The following STK10 variants were observed in gnomAD, a reference collection of about 807,000 sequenced individuals.
STK10 encodes the protein serine/threonine kinase 10, also known as serine/threonine-protein kinase 10.
A neutral mutation model predicts 113.8 loss-of-function variants in STK10; 78 were observed. The ratio of observed to expected loss-of-function variants is 0.69; its 90% confidence interval spans 0.57 to 0.83. The LOEUF (loss-of-function observed/expected upper bound fraction) is 0.83. STK10 is among the 40% of genes least tolerant of loss of function. The pLI is 0.00. For missense variants in STK10, 1,109 were observed against 1,280.1 expected, an observed-to-expected ratio of 0.87 and a Z score of 2.04; for synonymous variants, 465 against 494.7, an observed-to-expected ratio of 0.94 and a Z score of 0.80.
rs2113851253 is a variant in STK10, at chr5:172,188,067, T to G, written c.-25A>C. On this transcript the variant is annotated 5_prime_UTR_variant, in exon 1 of 19. Coordinates refer to ENST00000176763, the MANE Select transcript of STK10 (RefSeq NM_005990.4). The surrounding 1 kb of genome is among the most constrained non-coding windows in gnomAD (Gnocchi z 5.6). ...TGGCCGGGGGCGCGGTGGCGCCGGC[T>G]CGGGCTCGGGCTCGGGCTCGGGCTG... The G allele has an allele frequency of 1.3e-6, 2 of 1,584,720 alleles. No individual in the cohort carries two copies. Among genetic ancestry groups the G allele is most frequent in the East Asian group, 4.5e-5 (2 of 44,068 alleles).
chr5:172,048,414 T>TACACACACACACACACAC (rs370301917), intron 18 of STK10, among the ~76,000 whole-genome samples: 5,462 of 128,304 alleles, frequency 0.043, 256 homozygotes, highest in African/African-American at 0.049. Context: ...TCCCTCTCCC[T>TACACACACACACACACAC]ACACACACAC....
intron 4 of STK10, among the ~76,000 whole-genome samples, chr5:172,116,443 T>G (rs576874479): frequency 1.1e-4 from 16 of 151,798 alleles, no homozygotes; most frequent in African/African-American, 3.4e-4. Context: ...GAAGTACACA[T>G]GAGAAGAGCT....
At chr5:172,163,050 C>T (rs1254704016) in intron 1 of STK10, among the ~76,000 whole-genome samples, 1 of 152,084 alleles carries the variant, frequency 6.6e-6, no homozygotes, top group Admixed American at 6.6e-5. Flanking sequence ...GTGACTTGGC[C>T]AAAATTAAAT....
At chr5:172,153,699 C>T (rs991003586) in intron 2 of STK10, among the ~76,000 whole-genome samples, 4 of 152,252 alleles carry the variant, frequency 2.6e-5, no homozygotes. Flanking sequence ...CCTAAAGCCA[C>T]AGGGGCCCAG....
intron 12 of STK10, among the ~76,000 whole-genome samples, chr5:172,066,720 A>G (rs1281494315): frequency 6.6e-6 from 1 of 152,226 alleles, no homozygotes; most frequent in East Asian, 1.9e-4. Flanking sequence ...CAGGCGGCGT[A>G]GGTTGCAGTG....
Position 172,082,286 on chromosome 5 carries a change from TAC to T in STK10, c.1989+38_1989+39del. On this transcript the variant is annotated intron_variant, in intron 12 of 18. Transcript: ENST00000176763. This position sits in a 1 kb window ranked among gnomAD's most constrained non-coding sequence, Gnocchi z 4.3. ...CACTTGCAACCAAGAAGGCCCCTAA[TAC>T]TCCGAGATGCCCCTGCCCCCACTGA... is the stretch of plus-strand genomic sequence containing the variant. 1 of 1,470,894 alleles carries T rather than the reference TAC, an allele frequency of 6.8e-7. No individual in the cohort carries two copies. Among genetic ancestry groups the T allele is most frequent in the Non-Finnish European group, 9.0e-7 (1 of 1,109,214 alleles). 91.1% of individuals were successfully genotyped at this position (1,470,894 alleles called of 1,614,324 possible).
chr5:172,109,457 A>AT (rs1769186279), intron 4 of STK10, among the ~76,000 whole-genome samples: 1 of 151,674 alleles, frequency 6.6e-6, no homozygotes. Flanking sequence ...CTACAGGTGT[A>AT]TGCCACCACA....
At chr5:172,168,481 G>C (rs1344969358) in intron 1 of STK10, among the ~76,000 whole-genome samples, 1 of 152,220 alleles carries the variant, frequency 6.6e-6, no homozygotes, top group East Asian at 1.9e-4. Flanking sequence ...CTGGCTGGCA[G>C]GCGTGAGTCA....
Position 172,145,937 on chromosome 5 carries a change from G to A in STK10, c.321+10687C>T, listed in dbSNP as rs985432652. 4.6e-5 allele frequency among the ~76,000 whole-genome samples: 7 copies of A among 152,296 alleles called. No individual in the cohort carries two copies. In the East Asian group the frequency reaches 1.4e-3, roughly 29 times the overall value. ...TAGAGACAGCCCTGCACCAGCGCCTGCCCCGTGCAAGGCTGGAGAAACAAC... is the reference window on the plus strand; with the variant it reads ...TAGAGACAGCCCTGCACCAGCGCCTACCCCGTGCAAGGCTGGAGAAACAAC... On this transcript the variant is annotated intron_variant, in intron 2 of 18. Coordinates refer to ENST00000176763, the MANE Select transcript of STK10 (RefSeq NM_005990.4).
At chr5:172,140,121 A>G (rs895006740) in intron 2 of STK10, among the ~76,000 whole-genome samples, 6 of 152,204 alleles carry the variant, frequency 3.9e-5, no homozygotes, top group African/African-American at 1.4e-4. Flanking sequence ...TAAAAAATGA[A>G]TGAAGGACGT....
chr5:172,098,519 G>A (rs560796882), intron 7 of STK10, among the ~76,000 whole-genome samples: 17 of 152,292 alleles, frequency 1.1e-4, no homozygotes, highest in East Asian at 3.9e-4. Context: ...AGGATGGGCC[G>A]TGTGTGCAGG....
In STK10 at chr5:172,082,824, G is replaced by A; in HGVS notation, c.1809+137C>T. The A allele has an allele frequency of 7.3e-7, 1 of 1,377,890 alleles. No individual in the cohort carries two copies. The highest frequency in any genetic ancestry group is 9.8e-7 in the Non-Finnish European group (1 of 1,019,248). The allele number at this position is 1,377,890 out of a possible 1,614,324, so 85.4% of individuals were successfully genotyped here. On this transcript the variant is annotated intron_variant, in intron 11 of 18. Coordinates refer to ENST00000176763, the MANE Select transcript of STK10 (RefSeq NM_005990.4). The surrounding 1 kb of genome is among the most constrained non-coding windows in gnomAD (Gnocchi z 4.3). ...GTGTTAACAAGTCACTGCCTAACAA[G>A]ATCGGGAAGCCCCCAGGAATTGGGC... is the stretch of plus-strand genomic sequence containing the variant.
intron 2 of STK10, among the ~76,000 whole-genome samples, chr5:172,134,780 G>A (rs140323564): frequency 3.1e-4 from 46 of 150,608 alleles, no homozygotes; most frequent in African/African-American, 8.3e-4. Context: ...TTTCATTAGC[G>A]GGGTATGGTG....
chr5:172,187,661 G>T lies in STK10; in HGVS notation c.156+226C>A, dbSNP rs1201856835. On this transcript the variant is annotated intron_variant, in intron 1 of 18. Transcript: ENST00000176763. The surrounding 1 kb of genome is among the most constrained non-coding windows in gnomAD (Gnocchi z 4.6). Reference sequence around the variant, plus strand: ...AGTGCTCCGAAACAGGGCTAGGGTGGGGGCGGCAACCGTGCCCGGAGGGGG... The same window carrying T: ...AGTGCTCCGAAACAGGGCTAGGGTGTGGGCGGCAACCGTGCCCGGAGGGGG... 3.3e-5 allele frequency among the ~76,000 whole-genome samples: 5 copies of T among 152,204 alleles called. No homozygotes were observed. The highest frequency in any genetic ancestry group is 7.3e-5 in the Non-Finnish European group (5 of 68,028).
At chr5:172,151,475 TA>T (rs1411428201) in intron 2 of STK10, among the ~76,000 whole-genome samples, 1 of 152,000 alleles carries the variant, frequency 6.6e-6, no homozygotes, top group Admixed American at 6.6e-5. Flanking sequence ...CCCTCCTGAG[TA>T]GCTGGGATTA....
At chr5:172,138,742 G>A (rs1245306418) in intron 2 of STK10, among the ~76,000 whole-genome samples, 1 of 152,184 alleles carries the variant, frequency 6.6e-6, no homozygotes, top group African/African-American at 2.4e-5. Flanking sequence ...GCCAGGCGCG[G>A]TGGCTCACAC....
intron 1 of STK10, among the ~76,000 whole-genome samples, chr5:172,167,197 A>T (rs1770588236): frequency 6.6e-6 from 1 of 151,974 alleles, no homozygotes; most frequent in African/African-American, 2.4e-5. Context: ...CAACAAAAGA[A>T]ATGTACTAGG....
intron 14 of STK10, among the ~76,000 whole-genome samples, 185 bp from the exon 15 acceptor site, chr5:172,057,658 T>C (rs1056009310): frequency 6.6e-6 from 1 of 152,190 alleles, no homozygotes; most frequent in Non-Finnish European, 1.5e-5. Context: ...GCCTAGAAAC[T>C]TCCTTTAAGC....
chr5:172,163,297 G>C (rs59964150), intron 1 of STK10, among the ~76,000 whole-genome samples: 2 of 152,026 alleles, frequency 1.3e-5, no homozygotes, highest in African/African-American at 4.8e-5. Flanking sequence ...GTCACACAGC[G>C]AGTGGGGGTG....
Sources: gnomAD v4.1 joint callset for allele counts (sites outside exome capture counted in the v4.1 genomes callset) on GRCh38, gnomAD v4.1.1 for gene constraint, Gnocchi (gnomAD v3.1) non-coding constraint, MANE v1.5 for transcripts, NCBI Gene and HGNC (gene_info 2026-07-23, HGNC 2026-07-21) for gene names.